Variants in NELL2 observed in about 807,000 individuals in gnomAD.
NELL2 encodes neural EGFL like 2.
NELL2 carries 41 observed loss-of-function variants against 109.6 expected under a neutral mutation model. The observed-to-expected ratio is 0.37, with a 90% CI of 0.29 to 0.49. The LOEUF is 0.49. Among genes scored for constraint, NELL2 ranks in the 20% least tolerant of loss-of-function variants. NELL2 has a pLI of 0.98. For synonymous variants in NELL2, 355 were observed against 344.7 expected (o/e 1.03, Z -0.33); for missense variants, 900 against 1,008.3 (o/e 0.89, Z 1.45).
chr12:44,646,130 CT>C (rs538742536), intron 13 of NELL2, among the ~76,000 whole-genome samples: 66 of 151,844 alleles, frequency 4.3e-4, no homozygotes, highest in African/African-American at 1.6e-3. Flanking sequence ...ATAAATAGTA[CT>C]TTTTTTTAAA....
At chr12:44,764,790 C>A (rs1941262265) in intron 9 of NELL2, among the ~76,000 whole-genome samples, 1 of 151,864 alleles carries the variant, frequency 6.6e-6, no homozygotes, top group East Asian at 1.9e-4. Flanking sequence ...AAAATGTCAG[C>A]TTAAAACATC....
intron 2 of NELL2, among the ~76,000 whole-genome samples, chr12:44,839,503 T>C (rs1673781803): frequency 6.6e-6 from 1 of 152,196 alleles, no homozygotes; most frequent in African/African-American, 2.4e-5. Flanking sequence ...TGAGCATTTG[T>C]GTATAAAGCC....
Position 44,714,734 on chromosome 12 carries a change from G to C in NELL2, c.1002C>G (p.Cys334Trp). ...CAAAGTAGGTTCGTCCTTGAAATTG[G>C]CATATCGCTTTGGAGTAAAAAATAC... The part of the protein sequence containing the change: ...GKCCKECKSI[C>W]QFQGRTYFEG... Residue 334 changes from cysteine to tryptophan, a missense_variant, in exon 10 of 20, where the codon TGC becomes TGG. This residue lies in a region of NELL2 where 292 missense variants were observed against 265.3 expected (regional missense o/e 1.10). Transcript: ENST00000429094. 1 of 1,592,706 alleles carries C rather than the reference G, an allele frequency of 6.3e-7. No homozygotes were observed. Among genetic ancestry groups the C allele is most frequent in the Non-Finnish European group, 8.5e-7 (1 of 1,170,688 alleles).
intron 2 of NELL2, among the ~76,000 whole-genome samples, chr12:44,825,391 C>CTTTTTTTT (rs34266446): frequency 7.2e-5 from 6 of 83,606 alleles, no homozygotes; most frequent in African/African-American, 1.5e-4. Context: ...TATTCATTTC[C>CTTTTTTTT]TTTTTTTTTT....
At chr12:44,640,685 A>G (rs1317109685) in intron 13 of NELL2, among the ~76,000 whole-genome samples, 1 of 151,976 alleles carries the variant, frequency 6.6e-6, no homozygotes, top group African/African-American at 2.4e-5. Flanking sequence ...TTTTTTTTAA[A>G]TAGAGTTACC....
At chr12:44,795,304 A>G (rs1022439867) in intron 3 of NELL2, among the ~76,000 whole-genome samples, 1 of 152,204 alleles carries the variant, frequency 6.6e-6, no homozygotes, top group Non-Finnish European at 1.5e-5. Flanking sequence ...TTATCAGTGT[A>G]GCTTATGGAT....
intron 12 of NELL2, among the ~76,000 whole-genome samples, chr12:44,690,188 G>A (rs1044495783): frequency 1.4e-4 from 21 of 152,116 alleles, no homozygotes; most frequent in Admixed American, 3.9e-4. Flanking sequence ...AGGTGGTTTT[G>A]ATGCAGCCTG....
intron 9 of NELL2, among the ~76,000 whole-genome samples, chr12:44,741,654 A>G (rs987644501): frequency 3.9e-5 from 6 of 152,326 alleles, no homozygotes; most frequent in African/African-American, 1.2e-4. Flanking sequence ...CCAGGAGATT[A>G]TATCCCGCAT....
intron 3 of NELL2, among the ~76,000 whole-genome samples, chr12:44,812,567 T>C (rs1175171521): frequency 6.6e-6 from 1 of 152,080 alleles, no homozygotes; most frequent in African/African-American, 2.4e-5. Context: ...AAAATTTTTG[T>C]GAAAGAAAGC....
chr12:44,906,821 G>T (rs934947913), intron 1 of NELL2, among the ~76,000 whole-genome samples: 2 of 152,050 alleles, frequency 1.3e-5, no homozygotes, highest in Admixed American at 1.3e-4. Context: ...TAATGATTGA[G>T]ATTTAAAGGA....
chr12:44,829,096 C>A (rs1360961949), intron 2 of NELL2, among the ~76,000 whole-genome samples: 1 of 152,112 alleles, frequency 6.6e-6, no homozygotes, highest in Non-Finnish European at 1.5e-5. Flanking sequence ...GTAAACCAGT[C>A]CAAATAGCCT....
At chr12:44,887,910 G>A (rs1387714837) in intron 1 of NELL2, among the ~76,000 whole-genome samples, 2 of 151,940 alleles carry the variant, frequency 1.3e-5, no homozygotes, top group Non-Finnish European at 2.9e-5. Flanking sequence ...TCTTTGCTGA[G>A]ACCAATATCC....
At chr12:44,870,463 T>G (rs1379157045) in intron 2 of NELL2, among the ~76,000 whole-genome samples, 1 of 152,140 alleles carries the variant, frequency 6.6e-6, no homozygotes, top group Non-Finnish European at 1.5e-5. Flanking sequence ...CTCAAACAAA[T>G]CACCACAAAC....
rs376975803 is a variant in NELL2 at position 44,746,145 on chromosome 12, G to A, written c.994+28602C>T. 2.0e-3 allele frequency among the ~76,000 whole-genome samples: 301 copies of A among 151,990 alleles called. 1 individual carries two copies. The highest frequency in any genetic ancestry group is 8.3e-3 in the East Asian group (43 of 5,158). ...ACAGAGCCCTCAGAAATAATGCCGC[G>A]TATCTACAACTATCTGATCTTTGAC... On this transcript the variant is annotated intron_variant, in intron 9 of 19. Transcript: ENST00000429094.
chr12:44,831,238 T>A (rs1943879251), intron 2 of NELL2, among the ~76,000 whole-genome samples: 2 of 152,166 alleles, frequency 1.3e-5, no homozygotes, highest in Non-Finnish European at 2.9e-5. Context: ...CTAGCGCTAA[T>A]TTAACCATTC....
At chr12:44,560,464 A>C (rs1943428280) in intron 15 of NELL2, among the ~76,000 whole-genome samples, 2 of 152,150 alleles carry the variant, frequency 1.3e-5, no homozygotes, top group Admixed American at 6.5e-5. Context: ...GAGAAGAGTC[A>C]AATAGACATA....
intron 15 of NELL2, among the ~76,000 whole-genome samples, chr12:44,577,720 C>T (rs1264838941): frequency 3.3e-5 from 5 of 151,908 alleles, no homozygotes; most frequent in African/African-American, 7.3e-5. Context: ...CCTCGTGATC[C>T]GCCCACCTCG....
intron 2 of NELL2, among the ~76,000 whole-genome samples, chr12:44,861,387 C>T (rs1566550390): frequency 6.6e-6 from 1 of 152,204 alleles, no homozygotes; most frequent in Non-Finnish European, 1.5e-5. Flanking sequence ...CCGGATCCCA[C>T]AGCCTCAGGC....
At chr12:44,711,204 G>A in intron 11 of NELL2, 88 bp downstream of exon 11, 1 of 932,328 alleles carries the variant, frequency 1.1e-6, no homozygotes, top group South Asian at 1.4e-5. Context: ...GAAATAATTT[G>A]CTTATGAGAA....
Sources: allele counts gnomAD v4.1 joint callset (sites outside exome capture counted in the v4.1 genomes callset), GRCh38; gene constraint gnomAD v4.1.1; regional missense constraint gnomAD v4.1.1; transcripts MANE v1.5; gene names NCBI Gene and HGNC (gene_info 2026-07-23, HGNC 2026-07-21).